The following PDE7B variants were observed in gnomAD, a reference collection of about 807,000 sequenced individuals.
PDE7B encodes the protein phosphodiesterase 7B.
PDE7B carries 29 observed loss-of-function variants against 56.2 expected under a neutral mutation model. That is an observed-to-expected ratio of 0.52 (90% confidence interval 0.38 to 0.70). The LOEUF is 0.70. PDE7B is among the 30% of genes least tolerant of loss of function. The pLI is 0.00. For synonymous variants in PDE7B, 197 were observed against 196.9 expected (o/e 1.00, Z 0.00); for missense variants, 490 against 565.0 (o/e 0.87, Z 1.35).
intron 2 of PDE7B, among the ~76,000 whole-genome samples, chr6:136,020,587 T>C (rs1385671735): frequency 6.6e-6 from 1 of 151,966 alleles, no homozygotes; most frequent in Admixed American, 6.6e-5. Flanking sequence ...CAGAGGAGCA[T>C]GCCATGTCCC....
intron 1 of PDE7B, among the ~76,000 whole-genome samples, chr6:135,866,771 T>A (rs901719899): frequency 6.6e-6 from 1 of 152,218 alleles, no homozygotes; most frequent in Non-Finnish European, 1.5e-5. Flanking sequence ...AAAATGATAG[T>A]GCATACGTGT....
At chr6:136,063,960 C>T (rs1776888964) in intron 2 of PDE7B, among the ~76,000 whole-genome samples, 1 of 152,026 alleles carries the variant, frequency 6.6e-6, no homozygotes, top group Non-Finnish European at 1.5e-5. Context: ...TTTGTCCAGT[C>T]CAAGGTAGCT....
chr6:136,169,011 G>A (rs2128449520), intron 8 of PDE7B, among the ~76,000 whole-genome samples: 1 of 152,218 alleles, frequency 6.6e-6, no homozygotes, highest in Non-Finnish European at 1.5e-5. Flanking sequence ...AGGCAGCAAG[G>A]GCTGTATGCA....
intron 3 of PDE7B, among the ~76,000 whole-genome samples, chr6:136,131,725 CA>C (rs988001548): frequency 1.3e-5 from 2 of 152,088 alleles, no homozygotes; most frequent in Admixed American, 1.3e-4. Flanking sequence ...TTAAAACCCA[CA>C]AGTGATTATT....
At chr6:136,089,375 A>G (rs1053888535) in intron 2 of PDE7B, among the ~76,000 whole-genome samples, 2 of 152,220 alleles carry the variant, frequency 1.3e-5, no homozygotes, top group African/African-American at 4.8e-5. Flanking sequence ...CAATAAATAA[A>G]TGGTTCCATG....
intron 6 of PDE7B, among the ~76,000 whole-genome samples, chr6:136,151,508 T>C (rs1778512643): frequency 1.3e-5 from 2 of 152,332 alleles, no homozygotes; most frequent in South Asian, 4.1e-4. Context: ...AAAAAATCTG[T>C]GTATAGCTTT....
chr6:136,065,473 G>C (rs1776917873), intron 2 of PDE7B, among the ~76,000 whole-genome samples: 1 of 152,086 alleles, frequency 6.6e-6, no homozygotes, highest in Non-Finnish European at 1.5e-5. Flanking sequence ...CTGTAGCCAG[G>C]GAGTGAGAAG....
intron 1 of PDE7B, among the ~76,000 whole-genome samples, chr6:135,902,703 T>C (rs1776026529): frequency 6.6e-6 from 1 of 152,210 alleles, no homozygotes; most frequent in African/African-American, 2.4e-5. Flanking sequence ...TGCTTAACCC[T>C]TGGAAGTATT....
Position 136,190,160 on chromosome 6 carries a change from T to C in PDE7B, c.1127-1454T>C, listed in dbSNP as rs891271831. On this transcript the variant is annotated intron_variant, in intron 12 of 12. Transcript: ENST00000308191. The stretch of plus-strand genomic sequence containing the variant: ...GGTGAATGATATTAGAAATTAAATA[T>C]GGAGATTGTGGAGGAGGTAAAGAAA... Among the ~76,000 whole-genome samples, 5 of 152,204 alleles carry C rather than the reference T, an allele frequency of 3.3e-5. No individual in the cohort carries two copies. In the East Asian group the frequency reaches 5.8e-4, roughly 18 times the overall value.
intron 3 of PDE7B, among the ~76,000 whole-genome samples, chr6:136,118,625 C>G (rs771958649): frequency 6.6e-6 from 1 of 152,178 alleles, no homozygotes; most frequent in Non-Finnish European, 1.5e-5. Context: ...AATATATAAT[C>G]GCAGAGCACA....
chr6:135,974,012 T>A (rs1775140920), intron 2 of PDE7B, among the ~76,000 whole-genome samples: 1 of 152,170 alleles, frequency 6.6e-6, no homozygotes, highest in African/African-American at 2.4e-5. Context: ...CTTTATAAAC[T>A]GAAGAATGAC....
intron 3 of PDE7B, among the ~76,000 whole-genome samples, chr6:136,109,199 T>A (rs1777705360): frequency 6.6e-6 from 1 of 152,260 alleles, no homozygotes; most frequent in Non-Finnish European, 1.5e-5. Flanking sequence ...TAGCTGGGTA[T>A]GGTGGCACAG....
chr6:136,162,998 T>G (rs1778734507), intron 8 of PDE7B, among the ~76,000 whole-genome samples: 1 of 152,046 alleles, frequency 6.6e-6, no homozygotes, highest in Non-Finnish European at 1.5e-5. Context: ...TGGCATTGAG[T>G]GTCTGTGGCT....
chr6:136,038,175 TC>T, intron 2 of PDE7B: 1 of 1,299,014 alleles, frequency 7.7e-7, no homozygotes, highest in Non-Finnish European at 1.0e-6. Flanking sequence ...GGGAAGAATT[TC>T]CCCTGTGGTA....
intron 2 of PDE7B, among the ~76,000 whole-genome samples, chr6:136,002,598 CAAAG>C (rs1775693356): frequency 6.6e-6 from 1 of 152,076 alleles, no homozygotes; most frequent in Non-Finnish European, 1.5e-5. Context: ...TCAAAAGAGA[CAAAG>C]AAGGCCATTA....
chr6:136,152,730 C>A (rs1778540888), intron 6 of PDE7B, among the ~76,000 whole-genome samples: 1 of 152,334 alleles, frequency 6.6e-6, no homozygotes, highest in African/African-American at 2.4e-5. Context: ...TTTTGACTTG[C>A]CACATGGCTG....
intron 2 of PDE7B, among the ~76,000 whole-genome samples, chr6:136,004,936 C>T (rs936806496): frequency 6.6e-6 from 1 of 152,144 alleles, no homozygotes; most frequent in Non-Finnish European, 1.5e-5. Context: ...AGGCATCACG[C>T]TACCTGACTT....
chr6:136,145,369 C>A (rs191649872), intron 3 of PDE7B, among the ~76,000 whole-genome samples: 179 of 152,116 alleles, frequency 1.2e-3, no homozygotes, highest in African/African-American at 4.1e-3. Context: ...TTTGAGCTCC[C>A]CCTTATTCTC....
At chr6:135,935,194 A>T (rs1209428559) in intron 1 of PDE7B, among the ~76,000 whole-genome samples, 2 of 77,214 alleles carry the variant, frequency 2.6e-5, no homozygotes, top group Admixed American at 3.3e-4. Context: ...ATTTATTTAT[A>T]TATATATATA....
Sources: allele counts gnomAD v4.1 joint callset (sites outside exome capture counted in the v4.1 genomes callset), GRCh38; gene constraint gnomAD v4.1.1; transcripts MANE v1.5; gene names NCBI Gene and HGNC (gene_info 2026-07-23, HGNC 2026-07-21).